Variants in MGA observed in about 807,000 individuals in gnomAD.
The protein encoded by MGA is MAX dimerization protein MGA, also known as MAX gene-associated protein.
A neutral mutation model predicts 261.1 loss-of-function variants in MGA; 40 were observed. The ratio of observed to expected loss-of-function variants is 0.15; its 90% CI spans 0.12 to 0.20. The LOEUF is 0.20. Among genes scored for constraint, MGA ranks in the 10% least tolerant of loss-of-function variants. The pLI, the probability that MGA is intolerant of heterozygous loss-of-function variation, is 1.00. For missense variants in MGA, 3,397 were observed against 3,630.5 expected (o/e 0.94, Z 1.65); for synonymous variants, 1,302 against 1,290.6 (o/e 1.01, Z -0.19).
chr15:41,757,414 T>G (rs767911691), intron 18 of MGA, among the ~76,000 whole-genome samples: 1 of 152,222 alleles, frequency 6.6e-6, no homozygotes, highest in Non-Finnish European at 1.5e-5. Context: ...GTAGGGATGA[T>G]TTATAGTATA....
chr15:41,703,367 T>TGCC (rs1260251292), intron 5 of MGA, among the ~76,000 whole-genome samples: 1 of 40,340 alleles, frequency 2.5e-5, no homozygotes, highest in Non-Finnish European at 7.5e-5. Context: ...ATTGTGAAGT[T>TGCC]ACCCCCCCCC....
At position 41,750,633 on chromosome 15, in the gene MGA, G is replaced by T; in HGVS notation, c.7008+18G>T. 1 of 1,581,132 alleles carries T rather than the reference G, an allele frequency of 6.3e-7. No individual in the cohort carries two copies. The highest frequency in any genetic ancestry group is 2.3e-5 in the East Asian group (1 of 44,318). ...TAGAAAAGGTGGTGAGCCCATTTTT[G>T]TTGTGACTGAAACCTAAAGGATTTA... On this transcript the variant is annotated intron_variant, in intron 17 of 23. Transcript: ENST00000219905.
intron 19 of MGA, among the ~76,000 whole-genome samples, chr15:41,759,625 C>T (rs1050007141): frequency 4.0e-5 from 6 of 151,714 alleles, no homozygotes; most frequent in Admixed American, 1.3e-4. Context: ...TATTTTAAGT[C>T]CTATATGCAA....
intron 4 of MGA, 51 bp downstream of exon 4, chr15:41,698,992 A>G: frequency 1.9e-6 from 3 of 1,545,732 alleles, no homozygotes. Flanking sequence ...GGGCTCCAGC[A>G]ATGAAACATG....
intron 2 of MGA, among the ~76,000 whole-genome samples, chr15:41,683,989 G>A (rs1182877548): frequency 6.6e-6 from 1 of 151,746 alleles, no homozygotes; most frequent in Non-Finnish European, 1.5e-5. Flanking sequence ...AGTTACATAC[G>A]GCATGCTAAG....
At chr15:41,691,411 ATTAG>A (rs999141767) in intron 2 of MGA, among the ~76,000 whole-genome samples, 28 of 152,254 alleles carry the variant, frequency 1.8e-4, no homozygotes, top group African/African-American at 6.3e-4. Context: ...AAACTGATTT[ATTAG>A]TTCTAATAGT....
intron 12 of MGA, 96 bp downstream of exon 12, chr15:41,734,690 A>G: frequency 3.2e-6 from 3 of 926,238 alleles, no homozygotes; most frequent in Non-Finnish European, 4.8e-6. Flanking sequence ...AATTCAGAAT[A>G]TGTCTGCCTA....
intron 2 of MGA, among the ~76,000 whole-genome samples, chr15:41,687,543 T>C (rs750762616): frequency 1.3e-5 from 2 of 152,192 alleles, no homozygotes; most frequent in African/African-American, 4.8e-5. Context: ...TCTTAGATAA[T>C]TGATTTTAGA....
intron 1 of MGA, among the ~76,000 whole-genome samples, chr15:41,626,173 G>A (rs1010306383): frequency 1.3e-5 from 2 of 152,092 alleles, no homozygotes; most frequent in African/African-American, 4.8e-5. Flanking sequence ...GGGATAAGAG[G>A]AGAATTACTG....
chr15:41,659,950 C>T (rs752147498), upstream of MGA, among the ~76,000 whole-genome samples: 2 of 152,232 alleles, frequency 1.3e-5, no homozygotes, highest in Admixed American at 6.5e-5. Context: ...GTCCAAGCCC[C>T]GGTACTCCGG....
rs776489061 is a variant in MGA, at chr15:41,754,511, A to G, written c.7083A>G (p.Glu2361=). 1.9e-6 allele frequency: 3 copies of G among 1,582,614 alleles called. No individual in the cohort carries two copies. Among genetic ancestry groups the G allele is most frequent in the Non-Finnish European group, 2.6e-6 (3 of 1,162,488 alleles). The change falls in exon 18 of 24, where the codon GAA becomes GAG. Residue 2361 remains glutamate (E), a synonymous_variant. Transcript: ENST00000219905. ...AGACTGTAGAAGAGCTCTCAGAGGA[A>G]ATTAATGTTGCTCACCTGAAGACCA...
chr15:41,709,835 T>C (rs943443464), intron 7 of MGA, among the ~76,000 whole-genome samples: 1 of 151,936 alleles, frequency 6.6e-6, no homozygotes, highest in African/African-American at 2.4e-5. Flanking sequence ...CTTTTCTTTT[T>C]TTTTGAGATG....
chr15:41,714,793 A>G lies in MGA; in HGVS notation c.3430+1297A>G, dbSNP rs530943068. ...TAATAGGCATGAGCCACTGTACCCA[A>G]TTAGTTTTCTGTTCTAACACTGAAT... is the stretch of plus-strand genomic sequence containing the variant. On this transcript the variant is annotated intron_variant, in intron 9 of 23. Coordinates refer to ENST00000219905, the MANE Select transcript of MGA (RefSeq NM_001164273.2). Among the ~76,000 whole-genome samples, 69 of 152,296 alleles carry G rather than the reference A, an allele frequency of 4.5e-4. No individual in the cohort carries two copies. The South Asian group carries it at 0.011, about 24-fold the overall frequency.
In MGA at chr15:41,654,836, G is replaced by A. The variant is rs2057131793; in HGVS notation, c.-67-13992G>A. On this transcript the variant is annotated intron_variant, in intron 1 of 8. Transcript: ENST00000566718. ...ACTGACATTTTCCCTTTAGAATTTA[G>A]TAAAACAAATTCACTGTTACTAAAG... 2.6e-5 allele frequency among the ~76,000 whole-genome samples: 4 copies of A among 152,096 alleles called. No homozygotes were observed. The South Asian group carries it at 8.3e-4, about 32-fold the overall frequency.
intron 1 of MGA, among the ~76,000 whole-genome samples, chr15:41,626,936 C>G (rs1406092338): frequency 1.3e-5 from 2 of 152,134 alleles, no homozygotes; most frequent in Admixed American, 1.3e-4. Flanking sequence ...ACTATCTCTG[C>G]TTACTGCAGC....
chr15:41,625,285 T>G (rs527431798), intron 1 of MGA, among the ~76,000 whole-genome samples: 1 of 152,286 alleles, frequency 6.6e-6, no homozygotes, highest in African/African-American at 2.4e-5. Flanking sequence ...ACAAATTTAT[T>G]TATTTAGTAT....
In MGA at chr15:41,745,281, TAAA is replaced by T. The variant is rs71108126; in HGVS notation, c.5212+2133_5212+2135del. ...GCGAGAAACACCCAAGAATGATCAATAAAAAAAAAAAAAAAAAAAAAAAAAAGA... is the reference window on the plus strand; with the variant it reads ...GCGAGAAACACCCAAGAATGATCAATAAAAAAAAAAAAAAAAAAAAAAAGA... On this transcript the variant is annotated intron_variant, in intron 15 of 23. Transcript: ENST00000219905. Among the ~76,000 whole-genome samples the T allele has an allele frequency of 5.1e-4, 17 of 33,218 alleles. No individual in the cohort carries two copies. The South Asian group carries it at 8.2e-3, about 16-fold the overall frequency. The allele number at this position is 33,218 out of a possible 152,430, so 21.8% of individuals were successfully genotyped here.
intron 9 of MGA, among the ~76,000 whole-genome samples, chr15:41,716,333 A>G (rs2060635034): frequency 6.6e-6 from 1 of 151,762 alleles, no homozygotes; most frequent in African/African-American, 2.4e-5. Flanking sequence ...GGGCACCTGT[A>G]GTCCCAGCTA....
chr15:41,685,177 C>T (rs546202169), intron 2 of MGA, among the ~76,000 whole-genome samples: 73 of 152,230 alleles, frequency 4.8e-4, no homozygotes, highest in African/African-American at 1.3e-3. Context: ...CGTATTTTTC[C>T]ATGCAGATGG....
Sources: gnomAD v4.1 joint callset for allele counts (sites outside exome capture counted in the v4.1 genomes callset) on GRCh38, gnomAD v4.1.1 for gene constraint, MANE v1.5 for transcripts, NCBI Gene and HGNC (gene_info 2026-07-23, HGNC 2026-07-21) for gene names.